The following CORO2B variants were observed in gnomAD, a reference collection of about 807,000 sequenced individuals.
CORO2B encodes the protein coronin-2B.
A neutral mutation model predicts 58.8 loss-of-function variants in CORO2B; 26 were observed. The ratio of observed to expected loss-of-function variants is 0.44; its 90% CI spans 0.32 to 0.61. The LOEUF (loss-of-function observed/expected upper bound fraction) is 0.61, where lower values mean the gene tolerates loss of function less well. Among genes scored for constraint, CORO2B ranks in the 20% least tolerant of loss-of-function variants. The pLI is 0.04. For synonymous variants in CORO2B, 242 were observed against 253.8 expected (o/e 0.95, Z 0.44); for missense variants, 460 against 645.1 (o/e 0.71, Z 3.11).
chr15:68,558,939 T>C, the CORO2B span, among the ~76,000 whole-genome samples: 1 of 152,194 alleles, frequency 6.6e-6, no homozygotes, highest in Non-Finnish European at 1.5e-5. Context: ...AATGCGATAG[T>C]GGGTGAAGAG....
chr15:68,707,918 C>T (rs1040190205), intron 3 of CORO2B, among the ~76,000 whole-genome samples: 2 of 152,056 alleles, frequency 1.3e-5, no homozygotes, highest in Middle Eastern at 3.2e-3. Context: ...TTCTGGGCCC[C>T]CTATACATCA....
intron 2 of CORO2B, among the ~76,000 whole-genome samples, chr15:68,676,506 ACCT>A (rs1181071997): frequency 6.6e-6 from 1 of 152,062 alleles, no homozygotes; most frequent in Non-Finnish European, 1.5e-5. Flanking sequence ...AATGCCAGAC[ACCT>A]CCATACACTG....
chr15:68,689,657 G>A (rs777241485), intron 2 of CORO2B, among the ~76,000 whole-genome samples: 3 of 152,142 alleles, frequency 2.0e-5, no homozygotes, highest in South Asian at 2.1e-4. Context: ...TTTGGTCTCC[G>A]GTCACACCCC....
intron 3 of CORO2B, among the ~76,000 whole-genome samples, chr15:68,708,761 C>G (rs1022212245): frequency 1.3e-5 from 2 of 151,952 alleles, no homozygotes; most frequent in African/African-American, 4.8e-5. Flanking sequence ...CTCACTGCAG[C>G]CTTGAACTCC....
At chr15:68,585,902 A>G (rs1351078040) in intron 1 of CORO2B, among the ~76,000 whole-genome samples, 3 of 152,206 alleles carry the variant, frequency 2.0e-5, no homozygotes, top group Non-Finnish European at 2.9e-5. Flanking sequence ...AGGGCAGAAC[A>G]AAGTATGACA....
intron 1 of CORO2B, among the ~76,000 whole-genome samples, chr15:68,591,946 G>A (rs1238714561): frequency 8.5e-5 from 13 of 152,302 alleles, no homozygotes; most frequent in African/African-American, 3.1e-4. Context: ...GTGATCTTGG[G>A]TTGGTCACTT....
At chr15:68,521,716 G>A in the CORO2B span, among the ~76,000 whole-genome samples, 12 of 151,326 alleles carry the variant, frequency 7.9e-5, no homozygotes, top group East Asian at 2.1e-3. Context: ...TTGTGCTTTT[G>A]AAGGTATGTG....
At chr15:68,679,706 G>A (rs755211640) in intron 2 of CORO2B, among the ~76,000 whole-genome samples, 23 of 152,150 alleles carry the variant, frequency 1.5e-4, no homozygotes, top group African/African-American at 9.7e-5. Context: ...TAGGGGTTCG[G>A]AGTGCAATAT....
chr15:68,586,452 C>T lies in CORO2B; in HGVS notation c.15+7175C>T, dbSNP rs561040246. Among the ~76,000 whole-genome samples the T allele has an allele frequency of 1.4e-4, 21 of 152,106 alleles. No individual in the cohort carries two copies. In the South Asian group the frequency reaches 2.5e-3, roughly 18 times the overall value. On this transcript the variant is annotated intron_variant, in intron 1 of 11. Transcript: ENST00000261861. Reference sequence around the variant, plus strand: ...GGGAGCTGAGGAGGGAGCAACAGGCCGGGGATGAATGGGCAAACGTCAGGA... The same window carrying T: ...GGGAGCTGAGGAGGGAGCAACAGGCTGGGGATGAATGGGCAAACGTCAGGA...
upstream of CORO2B, among the ~76,000 whole-genome samples, chr15:68,576,080 G>A (rs1471329806): frequency 7.0e-6 from 1 of 142,496 alleles, no homozygotes; most frequent in Non-Finnish European, 1.5e-5. Flanking sequence ...TTGAACCCGA[G>A]AGGCAGAAGT....
At chr15:68,588,985 C>G (rs1217994012) in intron 1 of CORO2B, among the ~76,000 whole-genome samples, 1 of 152,104 alleles carries the variant, frequency 6.6e-6, no homozygotes, top group African/African-American at 2.4e-5. Flanking sequence ...CCTGAGTGGC[C>G]AACTGATAAC....
chr15:68,521,027 T>A, the CORO2B span, among the ~76,000 whole-genome samples: 2 of 151,906 alleles, frequency 1.3e-5, no homozygotes, highest in Non-Finnish European at 2.9e-5. Flanking sequence ...CTAGCCTGGG[T>A]GACAGAGCAA....
chr15:68,658,146 C>T (rs905043220), intron 2 of CORO2B, among the ~76,000 whole-genome samples: 23 of 152,220 alleles, frequency 1.5e-4, no homozygotes, highest in Non-Finnish European at 3.1e-4. Context: ...ATGTTGGGCC[C>T]GTTGTCCTCC....
the CORO2B span, among the ~76,000 whole-genome samples, chr15:68,530,348 G>A: frequency 6.6e-6 from 1 of 151,838 alleles, no homozygotes; most frequent in Admixed American, 6.6e-5. Context: ...ATAATAATAT[G>A]TATATATATG....
At chr15:68,599,004 G>A (rs971868693) in intron 1 of CORO2B, among the ~76,000 whole-genome samples, 9 of 152,100 alleles carry the variant, frequency 5.9e-5, no homozygotes, top group African/African-American at 1.7e-4. Flanking sequence ...AGAGCCTGTC[G>A]CCCCATCCTT....
chr15:68,623,057 C>G (rs190110596), intron 1 of CORO2B, among the ~76,000 whole-genome samples: 98 of 152,244 alleles, frequency 6.4e-4, no homozygotes, highest in Non-Finnish European at 1.1e-3. Flanking sequence ...CTCAGCTACT[C>G]TGGAGACTGA....
chr15:68,580,365 A>C (rs1899397806), intron 1 of CORO2B, among the ~76,000 whole-genome samples: 1 of 150,258 alleles, frequency 6.7e-6, no homozygotes, highest in South Asian at 2.2e-4. Context: ...GGCAGCCCAG[A>C]GTGGGGTCAG....
chr15:68,526,804 C>G, the CORO2B span, among the ~76,000 whole-genome samples: 1 of 151,878 alleles, frequency 6.6e-6, no homozygotes, highest in African/African-American at 2.4e-5. Flanking sequence ...GTATGTGTAC[C>G]TAGTAAAAGG....
At chr15:68,673,607 G>A (rs2140297226) in intron 2 of CORO2B, among the ~76,000 whole-genome samples, 1 of 152,248 alleles carries the variant, frequency 6.6e-6, no homozygotes, top group Middle Eastern at 3.4e-3. Context: ...GGAGGCCAAG[G>A]CAGGCGAATC....
Sources: allele counts gnomAD v4.1 joint callset (sites outside exome capture counted in the v4.1 genomes callset), GRCh38; gene constraint gnomAD v4.1.1; transcripts MANE v1.5; gene names NCBI Gene and HGNC (gene_info 2026-07-23, HGNC 2026-07-21).